ACSF3: variants seen among roughly 807,000 people sequenced by gnomAD.
The protein encoded by ACSF3 is acyl-CoA synthetase family member 3.
A neutral mutation model predicts 53.2 loss-of-function variants in ACSF3; 78 were observed. That is an observed-to-expected ratio of 1.47 (90% CI 1.22 to 1.77). The LOEUF is 1.77. Ranked by LOEUF, ACSF3 falls within the 40% of genes most tolerant of loss-of-function variation. The pLI is 0.00. For synonymous variants in ACSF3, 414 were observed against 333.1 expected, an observed-to-expected ratio of 1.24 and a Z score of -2.65; for missense variants, 937 against 771.1, an observed-to-expected ratio of 1.22 and a Z score of -2.55.
In ACSF3 at chr16:89,155,065, G is replaced by A. The variant is rs538571738; in HGVS notation, c.*858G>A. On this transcript the variant is annotated 3_prime_UTR_variant, in exon 11 of 11. Transcript: ENST00000614302. The stretch of plus-strand genomic sequence containing the variant: ...AGCTCCGGAGCCCACAGGCGTGGCC[G>A]ATGCAGAAACCTCAGGAAGGTGTGT... 2.5e-4 allele frequency: 115 copies of A among 454,116 alleles called. No individual in the cohort carries two copies. The highest frequency in any genetic ancestry group is 1.6e-3 in the African/African-American group (81 of 50,116). The allele number at this position is 454,116 out of a possible 1,614,324, so 28.1% of individuals were successfully genotyped here. A position where few individuals can be genotyped will look rare whatever the true frequency, so the allele number is the denominator to read the frequency against.
intron 7 of ACSF3, among the ~76,000 whole-genome samples, chr16:89,125,455 G>A (rs1598009574): frequency 6.6e-6 from 1 of 152,130 alleles, no homozygotes; most frequent in African/African-American, 2.4e-5. Context: ...CATTTTGGGA[G>A]GCCAAGGCAG....
intron 6 of ACSF3, among the ~76,000 whole-genome samples, chr16:89,119,224 C>T (rs1052208648): frequency 3.9e-5 from 6 of 152,216 alleles, no homozygotes; most frequent in Admixed American, 1.3e-4. Context: ...TGGTGTGGGA[C>T]GGCCACACGG....
chr16:89,134,580 A>G (rs535230868), intron 8 of ACSF3, among the ~76,000 whole-genome samples: 1 of 152,340 alleles, frequency 6.6e-6, no homozygotes, highest in Admixed American at 6.5e-5. Context: ...TGTAGTTGCA[A>G]GATTTAATAG....
chr16:89,151,091 C>A (rs985786918), intron 10 of ACSF3: 2 of 1,272,676 alleles, frequency 1.6e-6, no homozygotes, highest in African/African-American at 1.5e-5. Flanking sequence ...GGAAACGAAA[C>A]CTCGCCTCAG....
rs988262022 is a variant in ACSF3, at chr16:89,098,675, G to A, written c.-109G>A. Reference sequence around the variant, plus strand: ...GCATTTGCATTGCCTGCACCTTATCGTGCCCTTCCACCTGCTGAAGCAGCT... The same window carrying A: ...GCATTTGCATTGCCTGCACCTTATCATGCCCTTCCACCTGCTGAAGCAGCT... On this transcript the variant is annotated 5_prime_UTR_variant, in exon 2 of 11. In the 5' UTR this introduces an upstream ATG that the reference lacks. Transcript: ENST00000614302. The A allele has an allele frequency of 4.4e-6, 2 of 453,962 alleles. No individual in the cohort carries two copies. Among genetic ancestry groups the A allele is most frequent in the African/African-American group, 2.0e-5 (1 of 49,984 alleles). The allele number at this position is 453,962 out of a possible 1,614,324, so 28.1% of individuals were successfully genotyped here. A position where few individuals can be genotyped will look rare whatever the true frequency, so the allele number is the denominator to read the frequency against.
intron 4 of ACSF3, among the ~76,000 whole-genome samples, chr16:89,108,968 C>T (rs1976349086): frequency 6.6e-6 from 1 of 152,102 alleles, no homozygotes; most frequent in South Asian, 2.1e-4. Flanking sequence ...CACGGTGGCT[C>T]ACACCTGAAA....
chr16:89,137,287 CTCGGGAGGACCACCAGGAG>C (rs1910739821), intron 8 of ACSF3, among the ~76,000 whole-genome samples: 1 of 150,754 alleles, frequency 6.6e-6, no homozygotes, highest in Non-Finnish European at 1.5e-5. Flanking sequence ...AGCCCCAGGT[CTCGGGAGGACCACCAGGAG>C]CTCACGGGGA....
chr16:89,106,848 G>A (rs1354381212), intron 4 of ACSF3, among the ~76,000 whole-genome samples: 1 of 152,216 alleles, frequency 6.6e-6, no homozygotes, highest in East Asian at 1.9e-4. Context: ...CTGCACAGAG[G>A]GCCGTGGGTG....
intron 7 of ACSF3, among the ~76,000 whole-genome samples, chr16:89,131,730 C>T (rs1003733886): frequency 2.6e-5 from 4 of 152,058 alleles, no homozygotes; most frequent in African/African-American, 9.7e-5. Context: ...CTACATGTCC[C>T]ACAAGTGTAC....
rs371588426 is a variant in ACSF3 at position 89,132,934 on chromosome 16, G to A, written c.1240-202G>A. 3.1e-4 allele frequency among the ~76,000 whole-genome samples: 47 copies of A among 152,374 alleles called. 1 individual carries two copies. The highest frequency in any genetic ancestry group is 4.8e-4 in the African/African-American group (20 of 41,582). ...CAGGGCACCAGGGCCCACAGAGGACGGCGGGAATGCTTAGCTCAGCATGGT... is the reference window on the plus strand; with the variant it reads ...CAGGGCACCAGGGCCCACAGAGGACAGCGGGAATGCTTAGCTCAGCATGGT... On this transcript the variant is annotated intron_variant, in intron 7 of 10. Coordinates refer to ENST00000614302, the MANE Select transcript of ACSF3 (RefSeq NM_001243279.3).
intron 10 of ACSF3, chr16:89,153,598 CTG>C (rs998182569): frequency 4.3e-6 from 1 of 232,790 alleles, no homozygotes; most frequent in Non-Finnish European, 8.7e-6. Flanking sequence ...GTCTGCAGGA[CTG>C]TGCGGCATTT....
At position 89,155,616 on chromosome 16, in the gene ACSF3, T is replaced by G. The variant is rs1914636823; in HGVS notation, c.*1409T>G. 1 of 453,872 alleles carries G rather than the reference T, an allele frequency of 2.2e-6. No homozygotes were observed. Among genetic ancestry groups the G allele is most frequent in the South Asian group, 1.6e-5 (1 of 64,428 alleles). 28.1% of individuals were successfully genotyped at this position (453,872 alleles called of 1,614,324 possible). On this transcript the variant is annotated 3_prime_UTR_variant, in exon 11 of 11. Transcript: ENST00000614302. ...ACAGTCAGAGGAAGGGGTCCCGCCC[T>G]CCCGCCAGAGGCCTGGACCCAAGGG...
In ACSF3 at chr16:89,133,142, C is replaced by T; in HGVS notation, c.1246C>T (p.Pro416Ser). Residue 416 changes from proline to serine, a missense_variant, in exon 8 of 11, where the codon CCA becomes TCA. Coordinates refer to ENST00000614302, the MANE Select transcript of ACSF3 (RefSeq NM_001243279.3). Reference sequence around the variant, plus strand: ...TGTTCTTCATCCTCCACAGGTGACCCCAGGGTTTGAAGAAAAGGAGGGGGA... The same window carrying T: ...TGTTCTTCATCCTCCACAGGTGACCTCAGGGTTTGAAGAAAAGGAGGGGGA... ...EGDERGTKVT[P>S]GFEEKEGELL... 6.2e-7 allele frequency: 1 copy of T among 1,613,846 alleles called. No homozygotes were observed. Among genetic ancestry groups the T allele is most frequent in the Non-Finnish European group, 8.5e-7 (1 of 1,180,002 alleles).
intron 5 of ACSF3, among the ~76,000 whole-genome samples, chr16:89,112,793 C>T (rs1442012308): frequency 2.0e-5 from 3 of 152,250 alleles, no homozygotes; most frequent in Non-Finnish European, 2.9e-5. Flanking sequence ...AGTGAGCTGA[C>T]CCGCTTGCTC....
intron 7 of ACSF3, among the ~76,000 whole-genome samples, chr16:89,125,061 T>C (rs964305169): frequency 3.9e-5 from 6 of 152,218 alleles, no homozygotes; most frequent in African/African-American, 1.2e-4. Flanking sequence ...TTAGCTTGTC[T>C]AGCCGGGCCT....
At position 89,134,465 on chromosome 16, in the gene ACSF3, G is replaced by A. The variant is rs551797299; in HGVS notation, c.1366+1203G>A. 1.1e-3 allele frequency among the ~76,000 whole-genome samples: 175 copies of A among 152,310 alleles called. 2 individuals carry two copies. Among genetic ancestry groups the A allele is most frequent in the African/African-American group, 3.7e-3 (155 of 41,572 alleles). ...GCACAGTGGACACCCTGCGGGATCC[G>A]GAGGAATAGAAGTCAGCGGCGGGTC... On this transcript the variant is annotated intron_variant, in intron 8 of 10. Coordinates refer to ENST00000614302, the MANE Select transcript of ACSF3 (RefSeq NM_001243279.3).
Position 89,134,045 on chromosome 16 carries a change from G to T in ACSF3, c.1366+783G>T, listed in dbSNP as rs567559524. On this transcript the variant is annotated intron_variant, in intron 8 of 10. Transcript: ENST00000614302. ...CCGCCCCATGGGGCGTATTTGGACA[G>T]TGGATATTTCGACATTTGGATAGTG... Among the ~76,000 whole-genome samples, 3 of 152,358 alleles carry T rather than the reference G, an allele frequency of 2.0e-5. No individual in the cohort carries two copies. In the South Asian group the frequency reaches 6.2e-4, roughly 32 times the overall value.
chr16:89,135,686 G>A (rs529975669), intron 8 of ACSF3, among the ~76,000 whole-genome samples: 3 of 152,360 alleles, frequency 2.0e-5, no homozygotes, highest in South Asian at 2.1e-4. Context: ...TACAGGAACC[G>A]GACTTGAGCA....
chr16:89,102,298 C>T (rs1215319059), intron 3 of ACSF3: 3 of 439,344 alleles, frequency 6.8e-6, no homozygotes, highest in African/African-American at 6.0e-5. Flanking sequence ...CAGGCTTGGG[C>T]AGGGGCGGAG....
Sources: allele counts gnomAD v4.1 joint callset (sites outside exome capture counted in the v4.1 genomes callset), GRCh38; gene constraint gnomAD v4.1.1; transcripts MANE v1.5; gene names NCBI Gene and HGNC (gene_info 2026-07-23, HGNC 2026-07-21).